Variants in TRHDE observed in about 807,000 individuals in gnomAD.
TRHDE encodes thyrotropin-releasing hormone-degrading ectoenzyme.
A neutral mutation model predicts 125.7 loss-of-function variants in TRHDE; 72 were observed. That is an observed-to-expected ratio of 0.57 (90% CI 0.47 to 0.70). The LOEUF is 0.70. TRHDE is among the 30% of genes least tolerant of loss of function. The probability of loss-of-function intolerance (pLI) is 0.00; values close to 1 mark genes in which losing one functional copy is unlikely to be tolerated. For missense variants in TRHDE, 1,110 were observed against 1,327.1 expected, an observed-to-expected ratio of 0.84 and a Z score of 2.54; for synonymous variants, 509 against 509.1, an observed-to-expected ratio of 1.00 and a Z score of 0.00.
intron 11 of TRHDE, 30 bp downstream of exon 11, chr12:72,575,418 A>C (rs2272504): frequency 0.15 from 249,258 of 1,612,964 alleles, 30,100 homozygotes; most frequent in African/African-American, 0.55. Context: ...ATCAAAGATA[A>C]TTTTTGGTAT....
At chr12:72,659,326 G>C (rs1181985269) in intron 18 of TRHDE, among the ~76,000 whole-genome samples, 2 of 152,088 alleles carry the variant, frequency 1.3e-5, no homozygotes, top group Non-Finnish European at 2.9e-5. Flanking sequence ...TAAACTAATG[G>C]AGATGATCTT....
chr12:72,583,786 G>GA (rs1408556036), intron 12 of TRHDE, among the ~76,000 whole-genome samples: 1 of 152,136 alleles, frequency 6.6e-6, no homozygotes. Context: ...GCTGTCTTTA[G>GA]AAATCTGTTG....
chr12:72,224,130 C>G (rs11179119), intron 2 of TRHDE, among the ~76,000 whole-genome samples: 7,123 of 80,120 alleles, frequency 0.089, 260 homozygotes, highest in African/African-American at 0.12. Flanking sequence ...ATCTATCTAT[C>G]TATCTATCTA....
intron 2 of TRHDE, among the ~76,000 whole-genome samples, chr12:72,318,284 A>G (rs982252898): frequency 5.3e-5 from 8 of 152,212 alleles, no homozygotes; most frequent in African/African-American, 1.9e-4. Context: ...AAGGTCTATC[A>G]GTAAACAGGA....
intron 2 of TRHDE, among the ~76,000 whole-genome samples, chr12:72,158,122 T>C (rs1423210046): frequency 6.6e-6 from 1 of 152,132 alleles, no homozygotes; most frequent in South Asian, 2.1e-4. Context: ...TGGTAGGAGA[T>C]GTCAATGAAA....
intron 6 of TRHDE, among the ~76,000 whole-genome samples, chr12:72,522,899 C>T (rs1314250634): frequency 6.6e-6 from 1 of 152,120 alleles, no homozygotes; most frequent in African/African-American, 2.4e-5. Flanking sequence ...TTTGTCAGCT[C>T]ACAGTCTGAC....
chr12:72,497,825 T>G (rs1877984594), intron 5 of TRHDE, among the ~76,000 whole-genome samples: 1 of 152,218 alleles, frequency 6.6e-6, no homozygotes, highest in Non-Finnish European at 1.5e-5. Flanking sequence ...TTCAGTGGAC[T>G]TAAATGAACA....
At chr12:72,590,836 A>C (rs1040961307) in intron 12 of TRHDE, among the ~76,000 whole-genome samples, 5 of 152,124 alleles carry the variant, frequency 3.3e-5, no homozygotes, top group African/African-American at 4.8e-5. Flanking sequence ...AGTTGGATTT[A>C]GGTCTGTCAT....
chr12:72,426,075 A>G (rs1874173096), intron 3 of TRHDE, among the ~76,000 whole-genome samples: 1 of 152,096 alleles, frequency 6.6e-6, no homozygotes, highest in Non-Finnish European at 1.5e-5. Flanking sequence ...GTGTGCAGTA[A>G]ATGGAATTAT....
At chr12:72,283,063 C>T (rs1425941253) in intron 1 of TRHDE, among the ~76,000 whole-genome samples, 1 of 152,074 alleles carries the variant, frequency 6.6e-6, no homozygotes, top group East Asian at 1.9e-4. Flanking sequence ...TACATTTTCC[C>T]CTTTTTGTCA....
chr12:72,216,442 C>G (rs1015757033), intron 2 of TRHDE, among the ~76,000 whole-genome samples: 2 of 152,084 alleles, frequency 1.3e-5, no homozygotes, highest in Non-Finnish European at 2.9e-5. Flanking sequence ...TTAGGAGAAG[C>G]CAAGATAAAA....
chr12:72,639,935 A>G (rs1348065040), intron 15 of TRHDE, among the ~76,000 whole-genome samples: 1 of 146,028 alleles, frequency 6.8e-6, no homozygotes, highest in African/African-American at 2.6e-5. Flanking sequence ...TTAAGTCTGT[A>G]GAGGTTACTG....
chr12:72,290,514 C>G (rs1880046011), intron 2 of TRHDE, among the ~76,000 whole-genome samples: 1 of 152,134 alleles, frequency 6.6e-6, no homozygotes, highest in Admixed American at 6.5e-5. Context: ...TTATTATGTT[C>G]AAAGTTTCTG....
chr12:72,156,315 A>T (rs1592462526), intron 2 of TRHDE, among the ~76,000 whole-genome samples: 1 of 152,202 alleles, frequency 6.6e-6, no homozygotes, highest in Non-Finnish European at 1.5e-5. Context: ...TGACTAGGAA[A>T]GGGAATTCCC....
intron 2 of TRHDE, among the ~76,000 whole-genome samples, chr12:72,143,406 A>T (rs114151657): frequency 1.6e-4 from 24 of 152,122 alleles, no homozygotes; most frequent in African/African-American, 5.8e-4. Context: ...AGGCCTTCTA[A>T]GAAGGGATTT....
intron 2 of TRHDE, chr12:72,137,304 A>T (rs758596883): frequency 2.0e-5 from 3 of 152,216 alleles, no homozygotes; most frequent in Non-Finnish European, 4.4e-5. Flanking sequence ...AAATGACCAG[A>T]ACCATAGAGA....
chr12:72,126,727 A>C (rs1194365128), intron 2 of TRHDE, among the ~76,000 whole-genome samples: 1 of 152,154 alleles, frequency 6.6e-6, no homozygotes, highest in Non-Finnish European at 1.5e-5. Context: ...TAAATGTAAG[A>C]CCTCAAACTA....
In TRHDE at chr12:72,192,490, G is replaced by A. The variant is rs114955010; in HGVS notation, n.279+86738G>A. Among the ~76,000 whole-genome samples, 891 of 151,986 alleles carry A rather than the reference G, an allele frequency of 5.9e-3. 8 individuals are homozygous for A. Among genetic ancestry groups the A allele is most frequent in the African/African-American group, 0.02 (822 of 41,460 alleles). ...CTCAGGATAAGTATTTACAAAAGTC[G>A]AAAGAAGGCAGAGAATTTAAGGCTG... On this transcript the variant is annotated intron_variant and non_coding_transcript_variant, in intron 2 of 4. Coordinates refer to the TRHDE transcript ENST00000548156.
chr12:72,618,802 G>A, intron 12 of TRHDE, 89 bp from the exon 13 acceptor site: 1 of 1,062,336 alleles, frequency 9.4e-7, no homozygotes, highest in Non-Finnish European at 1.3e-6. Context: ...TTTATACTAT[G>A]ATGAATTTTG....
Sources: gnomAD v4.1 joint callset for allele counts (sites outside exome capture counted in the v4.1 genomes callset) on GRCh38, gnomAD v4.1.1 for gene constraint, MANE v1.5 for transcripts, NCBI Gene and HGNC (gene_info 2026-07-23, HGNC 2026-07-21) for gene names.